COL8A2: variants seen among roughly 807,000 people sequenced by gnomAD.
The protein encoded by COL8A2 is collagen alpha-2(VIII) chain.
A neutral mutation model predicts 24.0 loss-of-function variants in COL8A2; 16 were observed. The ratio of observed to expected loss-of-function variants is 0.67; its 90% confidence interval spans 0.45 to 1.01. The LOEUF (loss-of-function observed/expected upper bound fraction) is 1.01, where lower values mean the gene tolerates loss of function less well. Among genes scored for constraint, COL8A2 ranks in the 50% least tolerant of loss-of-function variants. The pLI is 0.00. For missense variants in COL8A2, 818 were observed against 942.4 expected, an observed-to-expected ratio of 0.87 and a Z score of 1.73; for synonymous variants, 466 against 424.5, an observed-to-expected ratio of 1.10 and a Z score of -1.20.
chr1:36,099,502 GA>G lies in COL8A2; in HGVS notation c.194-16del. On this transcript the variant is annotated splice_polypyrimidine_tract_variant and intron_variant, in intron 3 of 3. Coordinates refer to ENST00000397799, the MANE Select transcript of COL8A2 (RefSeq NM_005202.4). ...TAGAGGCATTTCTGAGAAAGAAAGAGAAAGGGGCAGTCAGGGGCCTGAACTG... is the reference window on the plus strand; with the variant it reads ...TAGAGGCATTTCTGAGAAAGAAAGAGAAGGGGCAGTCAGGGGCCTGAACTG... 3.3e-6 allele frequency: 5 copies of G among 1,518,542 alleles called. No homozygotes were observed. The highest frequency in any genetic ancestry group is 4.4e-6 in the Non-Finnish European group (5 of 1,130,504). 94.1% of individuals were successfully genotyped at this position (1,518,542 alleles called of 1,614,324 possible).
intron 2 of COL8A2, among the ~76,000 whole-genome samples, chr1:36,106,223 C>T (rs531994553): frequency 7.3e-5 from 11 of 151,490 alleles, no homozygotes; most frequent in Admixed American, 5.9e-4. Context: ...GAGATGGCAC[C>T]GCTGCACTCC....
intron 1 of COL8A2, among the ~76,000 whole-genome samples, chr1:36,122,295 C>CA (rs1643919669): frequency 6.6e-6 from 1 of 152,170 alleles, no homozygotes; most frequent in African/African-American, 2.4e-5. Flanking sequence ...GTCTGACTCC[C>CA]AATGCCAGCT....
chr1:36,120,042 G>T (rs886067835), intron 1 of COL8A2, among the ~76,000 whole-genome samples: 6 of 152,098 alleles, frequency 3.9e-5, no homozygotes, highest in East Asian at 1.9e-4. Context: ...GACCACCAAG[G>T]GTTCCTAGAT....
At chr1:36,099,946 T>G (rs930610040) in intron 3 of COL8A2, 104 bp downstream of exon 3, 12 of 1,079,752 alleles carry the variant, frequency 1.1e-5, no homozygotes, top group Non-Finnish European at 1.7e-5. Context: ...TGGTGGGGAA[T>G]GAGGAGCTGT....
At chr1:36,120,775 G>A (rs1399321542) in intron 1 of COL8A2, among the ~76,000 whole-genome samples, 1 of 144,434 alleles carries the variant, frequency 6.9e-6, no homozygotes, top group Non-Finnish European at 1.5e-5. Flanking sequence ...TAGAGAGAGA[G>A]AGAGGAAGGA....
At chr1:36,103,462 T>C (rs1044397853) in intron 2 of COL8A2, among the ~76,000 whole-genome samples, 2 of 150,348 alleles carry the variant, frequency 1.3e-5, no homozygotes, top group Non-Finnish European at 3.0e-5. Flanking sequence ...TTAGTAGAGA[T>C]GGGGGTTTCA....
chr1:36,101,154 A>C (rs1032247252), intron 2 of COL8A2, among the ~76,000 whole-genome samples: 12 of 151,954 alleles, frequency 7.9e-5, no homozygotes, highest in Non-Finnish European at 1.8e-4. Flanking sequence ...TCAGCCTCCC[A>C]AAGTGTTAGG....
At chr1:36,118,717 T>G (rs1643891120) in intron 1 of COL8A2, among the ~76,000 whole-genome samples, 1 of 139,512 alleles carries the variant, frequency 7.2e-6, no homozygotes, top group Non-Finnish European at 1.6e-5. Context: ...AGCTGCAGGG[T>G]TCCAGGGAGG....
Position 36,098,761 on chromosome 1 carries a change from G to A in COL8A2, c.920C>T (p.Pro307Leu). 7 of 1,611,576 alleles carry A rather than the reference G, an allele frequency of 4.3e-6. No homozygotes were observed. Among genetic ancestry groups the A allele is most frequent in the Non-Finnish European group, 5.9e-6 (7 of 1,179,574 alleles). Reference sequence around the variant, plus strand: ...ATAGCCAGTGGGGCCTATCAGCCCAGGGGGGCCCCGGGTCCCTGGCTCCCC... The same window carrying A: ...ATAGCCAGTGGGGCCTATCAGCCCAAGGGGGCCCCGGGTCCCTGGCTCCCC... ...AKGEPGTRGP[P>L]GLIGPTGYGM... The change falls in exon 4 of 4, where the codon CCT becomes CTT. Residue 307 changes from proline to leucine, a missense_variant. This residue lies in a region of COL8A2 where 573 missense variants were observed against 616.8 expected (regional missense o/e 0.93). Transcript: ENST00000397799.
intron 2 of COL8A2, among the ~76,000 whole-genome samples, chr1:36,109,183 A>G (rs978033617): frequency 9.9e-5 from 15 of 152,104 alleles, no homozygotes; most frequent in Admixed American, 1.3e-4. Context: ...AACCACAGGT[A>G]TGTTATGAGA....
At chr1:36,120,483 C>T (rs1643903157) in intron 1 of COL8A2, among the ~76,000 whole-genome samples, 1 of 151,470 alleles carries the variant, frequency 6.6e-6, no homozygotes, top group Admixed American at 6.6e-5. Context: ...GGCACAATGG[C>T]TCACGCCTGT....
At chr1:36,110,267 T>TAAA (rs35039453) in intron 2 of COL8A2, among the ~76,000 whole-genome samples, 2 of 137,834 alleles carry the variant, frequency 1.5e-5, no homozygotes. Context: ...TGCTCTCATT[T>TAAA]AAAAAAAAAA....
At chr1:36,120,862 G>A (rs1416739028) in intron 1 of COL8A2, among the ~76,000 whole-genome samples, 1 of 152,086 alleles carries the variant, frequency 6.6e-6, no homozygotes, top group African/African-American at 2.4e-5. Flanking sequence ...GCCAAGGTGG[G>A]TGGCTCACTT....
chr1:36,097,578 G>A lies in COL8A2; in HGVS notation c.2103C>T (p.Cys701=), dbSNP rs764013903. 4 of 1,607,340 alleles carry A rather than the reference G, an allele frequency of 2.5e-6. No homozygotes were observed. The highest frequency in any genetic ancestry group is 1.7e-5 in the Admixed American group (1 of 59,756). ...IHSSFSGFLL[C]PT ...GGACCCCCCCCGCGGGTTATGTGGG[G>A]CAGAGCAAGAATCCTGAAAAGGAGG... The change falls in exon 4 of 4, where the codon TGC becomes TGT. Residue 701 remains cysteine, a synonymous_variant. Coordinates refer to ENST00000397799, the MANE Select transcript of COL8A2 (RefSeq NM_005202.4).
rs772403294 is a variant in COL8A2 at position 36,097,809 on chromosome 1, G to A, written c.1872C>T (p.Tyr624=). Residue 624 remains tyrosine, a synonymous_variant, in exon 4 of 4, where the codon TAC becomes TAT. Coordinates refer to ENST00000397799, the MANE Select transcript of COL8A2 (RefSeq NM_005202.4). ...CPVGGVYYFA[Y]HVHVKGTNVW... ...CGTTGGTGCCCTTGACGTGCACATG[G>A]TAAGCAAAGTAGTAGACGCCGCCCA... is the stretch of plus-strand genomic sequence containing the variant. 1.2e-6 allele frequency: 2 copies of A among 1,613,720 alleles called. No individual in the cohort carries two copies. The highest frequency in any genetic ancestry group is 1.7e-6 in the Non-Finnish European group (2 of 1,180,026).
At chr1:36,105,962 AAAAAAG>A (rs1395758024) in intron 2 of COL8A2, among the ~76,000 whole-genome samples, 1 of 134,288 alleles carries the variant, frequency 7.4e-6, no homozygotes. Flanking sequence ...AAAAAAAAAA[AAAAAAG>A]AGAGAGAGAG....
In COL8A2 at chr1:36,123,254, G is replaced by A. The variant is rs1386801658; in HGVS notation, c.-62+1803C>T. Among the ~76,000 whole-genome samples the A allele has an allele frequency of 6.6e-6, 1 of 152,232 alleles. No homozygotes were observed. Among genetic ancestry groups the A allele is most frequent in the African/African-American group, 2.4e-5 (1 of 41,460 alleles). Reference sequence around the variant, plus strand: ...GAGACCCCACTTCCCTGTAAGAGGTGCCCCATCCCTGCCACTGAGAGTTCT... The same window carrying A: ...GAGACCCCACTTCCCTGTAAGAGGTACCCCATCCCTGCCACTGAGAGTTCT... On this transcript the variant is annotated intron_variant, in intron 1 of 3. Transcript: ENST00000397799. The surrounding 1 kb of genome is among the most constrained non-coding windows in gnomAD (Gnocchi z 4.1).
At position 36,098,385 on chromosome 1, in the gene COL8A2, C is replaced by T. The variant is rs762703964; in HGVS notation, c.1296G>A (p.Thr432=). ...CCACCCCTGGTCCTCCAGGGCGACCCGTGAAACCCGGCTCACCCTTGGGCC... is the reference window on the plus strand; with the variant it reads ...CCACCCCTGGTCCTCCAGGGCGACCTGTGAAACCCGGCTCACCCTTGGGCC... ...PTGPKGEPGF[T]GRPGGPGVAG... Residue 432 remains threonine (T), a synonymous_variant, in exon 4 of 4, where the codon ACG becomes ACA. Coordinates refer to ENST00000397799, the MANE Select transcript of COL8A2 (RefSeq NM_005202.4). The T allele has an allele frequency of 8.5e-5, 133 of 1,569,790 alleles. 1 individual carries two copies. The highest frequency in any genetic ancestry group is 9.8e-5 in the Non-Finnish European group (114 of 1,157,754).
Position 36,115,790 on chromosome 1 carries a change from A to T in COL8A2, c.-61-38T>A. The T allele has an allele frequency of 1.3e-5, 13 of 980,804 alleles. No individual in the cohort carries two copies. Among genetic ancestry groups the T allele is most frequent in the Non-Finnish European group, 1.6e-5 (13 of 825,764 alleles). The allele number at this position is 980,804 out of a possible 1,614,324, so 60.8% of individuals were successfully genotyped here. On this transcript the variant is annotated intron_variant, in intron 1 of 3. Transcript: ENST00000397799. This position sits in a 1 kb window ranked among gnomAD's most constrained non-coding sequence, Gnocchi z 5.7. ...AAGAGAAACAGTGAGGCTATGGGGC[A>T]GTGGCTCAAGCTTGTAATCCCAGCA...
Sources: gnomAD v4.1 joint callset for allele counts (sites outside exome capture counted in the v4.1 genomes callset) on GRCh38, gnomAD v4.1.1 for gene constraint, gnomAD v4.1.1 regional missense constraint, Gnocchi (gnomAD v3.1) non-coding constraint, MANE v1.5 for transcripts, NCBI Gene and HGNC (gene_info 2026-07-23, HGNC 2026-07-21) for gene names.